Variants in GALNT13 observed in about 807,000 individuals in gnomAD.
The protein encoded by GALNT13 is polypeptide N-acetylgalactosaminyltransferase 13, also known as UDP-GalNAc:polypeptide N-acetylgalactosaminyltransferase 13.
GALNT13 carries 28 observed loss-of-function variants against 64.2 expected under a neutral mutation model. That is an observed-to-expected ratio of 0.44 (90% CI 0.32 to 0.60). The LOEUF (loss-of-function observed/expected upper bound fraction) is 0.60, where lower values mean the gene tolerates loss of function less well. Among genes scored for constraint, GALNT13 ranks in the 20% least tolerant of loss-of-function variants. GALNT13 has a pLI of 0.05. For synonymous variants in GALNT13, 214 were observed against 224.6 expected (o/e 0.95, Z 0.42); for missense variants, 577 against 669.8 (o/e 0.86, Z 1.53).
intron 3 of GALNT13, among the ~76,000 whole-genome samples, chr2:154,049,469 A>G (rs943245154): frequency 3.4e-5 from 5 of 147,274 alleles, no homozygotes; most frequent in South Asian, 2.1e-4. Context: ...AATGGTATAT[A>G]TATATTTCAC....
At chr2:153,186,938 C>G in the GALNT13 span, among the ~76,000 whole-genome samples, 100 of 152,222 alleles carry the variant, frequency 6.6e-4, no homozygotes, top group African/African-American at 2.3e-3. Context: ...GGAGCTCTTG[C>G]AAGGCAAGCC....
At chr2:153,368,223 G>T in the GALNT13 span, among the ~76,000 whole-genome samples, 5 of 152,076 alleles carry the variant, frequency 3.3e-5, no homozygotes, top group African/African-American at 1.2e-4. Context: ...AGGAGGTGGG[G>T]CCTTTGGGAG....
chr2:153,564,511 T>G, the GALNT13 span, among the ~76,000 whole-genome samples: 2 of 152,138 alleles, frequency 1.3e-5, no homozygotes, highest in African/African-American at 4.8e-5. Flanking sequence ...AGCTTGTCAA[T>G]TAAATATGTG....
At chr2:154,449,498 G>C (rs1041730249) in intron 12 of GALNT13, among the ~76,000 whole-genome samples, 6 of 144,538 alleles carry the variant, frequency 4.2e-5, no homozygotes, top group African/African-American at 1.3e-4. Context: ...AAAGTATCTA[G>C]AGTGCTATTT....
the GALNT13 span, among the ~76,000 whole-genome samples, chr2:153,311,313 G>A: frequency 6.6e-6 from 1 of 152,078 alleles, no homozygotes; most frequent in Non-Finnish European, 1.5e-5. Context: ...ATACTTGGAA[G>A]ACGCAAATGG....
chr2:153,515,080 T>A, the GALNT13 span, among the ~76,000 whole-genome samples: 1 of 152,124 alleles, frequency 6.6e-6, no homozygotes, highest in Non-Finnish European at 1.5e-5. Flanking sequence ...GTTTTTCTGG[T>A]CCATCTCCAG....
the GALNT13 span, among the ~76,000 whole-genome samples, chr2:153,304,781 A>G: frequency 6.6e-6 from 1 of 152,206 alleles, no homozygotes; most frequent in African/African-American, 2.4e-5. Context: ...GCCCATCGGT[A>G]TTAACCTTAT....
the GALNT13 span, among the ~76,000 whole-genome samples, chr2:153,139,852 AT>A: frequency 6.6e-6 from 1 of 152,030 alleles, no homozygotes; most frequent in African/African-American, 2.4e-5. Flanking sequence ...ATTTGAGATT[AT>A]TGAATATAAT....
chr2:153,120,183 A>G, the GALNT13 span, among the ~76,000 whole-genome samples: 16,300 of 152,174 alleles, frequency 0.11, 969 homozygotes, highest in African/African-American at 0.13. Context: ...GCCTCTGGTA[A>G]TCTTTCCAGT....
the GALNT13 span, among the ~76,000 whole-genome samples, chr2:153,479,913 C>T: frequency 1.1e-4 from 16 of 152,004 alleles, no homozygotes; most frequent in Non-Finnish European, 1.9e-4. Context: ...GTTTTCTTTC[C>T]CCTCCCTCCT....
the GALNT13 span, among the ~76,000 whole-genome samples, chr2:153,315,551 T>C: frequency 6.6e-6 from 1 of 152,186 alleles, no homozygotes; most frequent in Non-Finnish European, 1.5e-5. Context: ...AGCAACAGTT[T>C]ACAAAACTAA....
At chr2:153,497,215 T>C in the GALNT13 span, among the ~76,000 whole-genome samples, 1 of 152,062 alleles carries the variant, frequency 6.6e-6, no homozygotes, top group Non-Finnish European at 1.5e-5. Flanking sequence ...TATTTACATC[T>C]CACGGAGCAC....
At chr2:153,558,078 G>A in the GALNT13 span, among the ~76,000 whole-genome samples, 1 of 152,118 alleles carries the variant, frequency 6.6e-6, no homozygotes, top group African/African-American at 2.4e-5. Context: ...GTGACTATGT[G>A]GTGAAAGTCT....
At chr2:153,484,757 A>G in the GALNT13 span, among the ~76,000 whole-genome samples, 1 of 152,158 alleles carries the variant, frequency 6.6e-6, no homozygotes, top group Non-Finnish European at 1.5e-5. Context: ...AAATCTTCCA[A>G]ATGATTCAAT....
chr2:153,550,035 T>C, the GALNT13 span, among the ~76,000 whole-genome samples: 1 of 152,174 alleles, frequency 6.6e-6, no homozygotes, highest in East Asian at 1.9e-4. Context: ...ACACCTGATC[T>C]TGTGCCAAAG....
At chr2:153,693,167 CT>C in the GALNT13 span, among the ~76,000 whole-genome samples, 4 of 152,198 alleles carry the variant, frequency 2.6e-5, no homozygotes, top group Non-Finnish European at 4.4e-5. Flanking sequence ...CTGGAATAGT[CT>C]AATCCGGCAG....
At chr2:153,348,586 G>A in the GALNT13 span, among the ~76,000 whole-genome samples, 19 of 152,252 alleles carry the variant, frequency 1.2e-4, no homozygotes, top group African/African-American at 4.1e-4. Flanking sequence ...CCAAAGGATG[G>A]TATAGAAAAT....
the GALNT13 span, among the ~76,000 whole-genome samples, chr2:153,828,230 C>A: frequency 3.9e-5 from 6 of 152,230 alleles, no homozygotes; most frequent in East Asian, 9.6e-4. Flanking sequence ...GGCCTCTTCT[C>A]ACAGCCCCAC....
the GALNT13 span, among the ~76,000 whole-genome samples, chr2:153,829,858 A>C: frequency 6.6e-6 from 1 of 152,306 alleles, no homozygotes; most frequent in South Asian, 2.1e-4. Context: ...GAAGAGACTT[A>C]ATTCCTTTAT....
Sources: gnomAD v4.1 joint callset for allele counts (sites outside exome capture counted in the v4.1 genomes callset) on GRCh38, gnomAD v4.1.1 for gene constraint, MANE v1.5 for transcripts, NCBI Gene and HGNC (gene_info 2026-07-23, HGNC 2026-07-21) for gene names.